Variants in CSMD1 observed in about 807,000 individuals in gnomAD.
CSMD1 encodes the protein CUB and Sushi multiple domains 1.
In CSMD1, 213 loss-of-function variants were observed where a neutral mutation model predicts 417.5. That is an observed-to-expected ratio of 0.51 (90% CI 0.46 to 0.57). The LOEUF (loss-of-function observed/expected upper bound fraction) is 0.57. Among genes scored for constraint, CSMD1 ranks in the 20% least tolerant of loss-of-function variants. CSMD1 has a pLI of 0.00. For synonymous variants in CSMD1, 2,862 were observed against 1,736.8 expected, an observed-to-expected ratio of 1.65 and a Z score of -16.11; for missense variants, 6,923 against 4,529.7, an observed-to-expected ratio of 1.53 and a Z score of -15.17.
intron 3 of CSMD1, among the ~76,000 whole-genome samples, chr8:4,331,663 G>A (rs1407650021): frequency 6.6e-6 from 1 of 152,066 alleles, no homozygotes; most frequent in Non-Finnish European, 1.5e-5. Context: ...CTAAAAGGTA[G>A]CCATCCCAGA....
chr8:4,317,370 G>T (rs1157400096), intron 3 of CSMD1, among the ~76,000 whole-genome samples: 1 of 152,148 alleles, frequency 6.6e-6, no homozygotes, highest in Non-Finnish European at 1.5e-5. Flanking sequence ...ATAAGCTGTG[G>T]CTCTTTCATT....
intron 3 of CSMD1, among the ~76,000 whole-genome samples, chr8:4,215,211 G>A (rs191424492): frequency 1.8e-4 from 27 of 152,302 alleles, no homozygotes; most frequent in Non-Finnish European, 2.5e-4. Context: ...AACCAGCTGC[G>A]ACCTCTAGGT....
intron 4 of CSMD1, among the ~76,000 whole-genome samples, chr8:4,007,713 G>A: frequency 6.6e-6 from 1 of 151,488 alleles, no homozygotes; most frequent in Admixed American, 6.6e-5. Flanking sequence ...AAAATTGAAT[G>A]ACTCTGGCTT....
At chr8:3,231,582 T>C (rs1798842346) in intron 26 of CSMD1, among the ~76,000 whole-genome samples, 1 of 152,230 alleles carries the variant, frequency 6.6e-6, no homozygotes, top group Admixed American at 6.5e-5. Flanking sequence ...TTAGAAGATA[T>C]ATAAAAAAGA....
At chr8:4,455,962 A>AAAAAAAAAAC (rs1741947895) in intron 2 of CSMD1, among the ~76,000 whole-genome samples, 1 of 145,154 alleles carries the variant, frequency 6.9e-6, no homozygotes, top group Non-Finnish European at 1.5e-5. Flanking sequence ...AAAAAAAAAA[A>AAAAAAAAAAC]ATGCAGTTAA....
intron 1 of CSMD1, among the ~76,000 whole-genome samples, chr8:4,817,933 T>G (rs1799299251): frequency 3.9e-5 from 6 of 152,194 alleles, no homozygotes; most frequent in Admixed American, 3.3e-4. Context: ...AAACATTATA[T>G]TTTAATCTGT....
chr8:3,117,840 T>C (rs1231385495), intron 42 of CSMD1, among the ~76,000 whole-genome samples: 1 of 152,208 alleles, frequency 6.6e-6, no homozygotes, highest in Non-Finnish European at 1.5e-5. Flanking sequence ...TATGGCTACC[T>C]GTACACTGCG....
chr8:4,617,076 T>C (rs1278144402), intron 2 of CSMD1, among the ~76,000 whole-genome samples: 2 of 152,114 alleles, frequency 1.3e-5, no homozygotes, highest in African/African-American at 4.8e-5. Flanking sequence ...ATAATAGATG[T>C]TAAGACTCTA....
At chr8:3,837,220 G>T (rs1802769778) in intron 5 of CSMD1, among the ~76,000 whole-genome samples, 1 of 151,996 alleles carries the variant, frequency 6.6e-6, no homozygotes, top group Non-Finnish European at 1.5e-5. Context: ...AATTATTCCA[G>T]AATAGATGTG....
chr8:3,586,173 C>T lies in CSMD1; in HGVS notation c.1185G>A (p.Thr395=), dbSNP rs754992588. 9.3e-6 allele frequency: 15 copies of T among 1,612,522 alleles called. No individual in the cohort carries two copies. The highest frequency in any genetic ancestry group is 3.3e-5 in the Admixed American group (2 of 59,802). ...KSITCQRVTE[T]LAAWSDHRPI... ...GCCTGTGGTCACTCCAAGCAGCGAG[C>T]GTCTCTGTAACTCTCTGACAGGTGA... Residue 395 remains threonine, a synonymous_variant, in exon 9 of 70, where the codon ACG becomes ACA. Coordinates refer to ENST00000635120, the MANE Select transcript of CSMD1 (RefSeq NM_033225.6).
chr8:4,800,771 G>C (rs2117281098), intron 1 of CSMD1, among the ~76,000 whole-genome samples: 1 of 152,134 alleles, frequency 6.6e-6, no homozygotes, highest in East Asian at 1.9e-4. Context: ...TTTTGGGTGA[G>C]ACACCACCTA....
chr8:3,577,539 G>C (rs575724337), intron 9 of CSMD1, among the ~76,000 whole-genome samples: 4 of 152,252 alleles, frequency 2.6e-5, no homozygotes, highest in East Asian at 1.9e-4. Context: ...TCAGACCAGA[G>C]ATTTGTGTCT....
At chr8:4,523,892 G>C (rs767860443) in intron 2 of CSMD1, among the ~76,000 whole-genome samples, 68 of 152,018 alleles carry the variant, frequency 4.5e-4, no homozygotes, top group Admixed American at 8.5e-4. Flanking sequence ...TCTTTACAAA[G>C]CCAATCATGA....
At chr8:4,456,246 C>G (rs1228066988) in intron 2 of CSMD1, among the ~76,000 whole-genome samples, 2 of 151,670 alleles carry the variant, frequency 1.3e-5, no homozygotes, top group African/African-American at 4.8e-5. Context: ...CTTTAAAATA[C>G]AAAGTATGTA....
chr8:3,063,722 C>G (rs1462075420), intron 49 of CSMD1, among the ~76,000 whole-genome samples: 1 of 152,066 alleles, frequency 6.6e-6, no homozygotes. Flanking sequence ...CGAAGTGAAG[C>G]CATAAAAAGA....
At chr8:4,221,487 G>C (rs947831617) in intron 3 of CSMD1, among the ~76,000 whole-genome samples, 1 of 152,058 alleles carries the variant, frequency 6.6e-6, no homozygotes, top group African/African-American at 2.4e-5. Flanking sequence ...AATTTAAATG[G>C]GTAATTTGGG....
At chr8:4,391,537 A>T (rs965088110) in intron 3 of CSMD1, among the ~76,000 whole-genome samples, 1 of 152,078 alleles carries the variant, frequency 6.6e-6, no homozygotes, top group African/African-American at 2.4e-5. Context: ...CCACTGCATC[A>T]ACCAGCTCAG....
In CSMD1 at chr8:3,267,564, G is replaced by A. The variant is rs1273706554; in HGVS notation, c.4153+16580C>T. On this transcript the variant is annotated intron_variant, in intron 26 of 69. Coordinates refer to ENST00000635120, the MANE Select transcript of CSMD1 (RefSeq NM_033225.6). The stretch of plus-strand genomic sequence containing the variant: ...CTGGGCCAGGGAGCTTCCAGCACAA[G>A]GGAATGTAACACACTGGTAAGAGAC... Among the ~76,000 whole-genome samples the A allele has an allele frequency of 2.6e-5, 4 of 152,158 alleles. 1 individual carries two copies. The highest frequency in any genetic ancestry group is 4.8e-5 in the African/African-American group (2 of 41,434).
chr8:3,669,708 G>A (rs1160371817), intron 7 of CSMD1, among the ~76,000 whole-genome samples: 3 of 152,060 alleles, frequency 2.0e-5, no homozygotes, highest in East Asian at 1.9e-4. Flanking sequence ...CTAGGAACTG[G>A]GTACAAAGAG....
Sources: allele counts gnomAD v4.1 joint callset (sites outside exome capture counted in the v4.1 genomes callset), GRCh38; gene constraint gnomAD v4.1.1; transcripts MANE v1.5; gene names NCBI Gene and HGNC (gene_info 2026-07-23, HGNC 2026-07-21).